The following KDSR variants were observed in gnomAD, a reference collection of about 807,000 sequenced individuals.
KDSR encodes the protein 3-dehydrosphinganine reductase.
A neutral mutation model predicts 41.3 loss-of-function variants in KDSR; 23 were observed. The ratio of observed to expected loss-of-function variants is 0.56; its 90% CI spans 0.40 to 0.79. KDSR has a LOEUF of 0.79. KDSR is among the 30% of genes least tolerant of loss of function. KDSR has a pLI of 0.00. For synonymous variants in KDSR, 138 were observed against 151.7 expected (o/e 0.91, Z 0.66); for missense variants, 351 against 416.8 (o/e 0.84, Z 1.37).
chr18:63,332,831 CAAAAAAAAA>C (rs1159424416), intron 9 of KDSR, among the ~76,000 whole-genome samples: 1 of 75,044 alleles, frequency 1.3e-5, no homozygotes. Flanking sequence ...GACTCCGTCT[CAAAAAAAAA>C]AAAAAAAAAA....
chr18:63,351,165 C>T, intron 5 of KDSR, 86 bp from the exon 6 acceptor site: 1 of 1,125,310 alleles, frequency 8.9e-7, no homozygotes, highest in Non-Finnish European at 1.3e-6. Context: ...GATTTCAGTT[C>T]TTCAATGCAA....
chr18:63,343,804 T>A (rs1233485889), intron 7 of KDSR, among the ~76,000 whole-genome samples: 5 of 146,246 alleles, frequency 3.4e-5, no homozygotes, highest in South Asian at 4.4e-4. Flanking sequence ...CTCTAGGGAG[T>A]AGGAATTGGG....
intron 5 of KDSR, among the ~76,000 whole-genome samples, chr18:63,351,494 G>A (rs1203827082): frequency 6.6e-6 from 1 of 152,136 alleles, no homozygotes; most frequent in East Asian, 1.9e-4. Context: ...AGAGTAGGAG[G>A]GTGATTTAAA....
Position 63,362,864 on chromosome 18 carries a change from G to A in KDSR, c.113C>T (p.Thr38Ile), listed in dbSNP as rs1458993937. 1 of 1,609,500 alleles carries A rather than the reference G, an allele frequency of 6.2e-7. No individual in the cohort carries two copies. Among genetic ancestry groups the A allele is most frequent in the Non-Finnish European group, 8.5e-7 (1 of 1,176,326 alleles). The change falls in exon 2 of 10, where the codon ACA becomes ATA. Residue 38 changes from threonine (T) to isoleucine (I), a missense_variant. By Grantham distance (89) the Thr-to-Ile change is moderately conservative. Coordinates refer to ENST00000645214, the MANE Select transcript of KDSR (RefSeq NM_002035.4). ...CTTCCCGATGCCACTGGAACCTCCTGTAACCTAAAACAAAATCATAAAATA... is the reference window on the plus strand; with the variant it reads ...CTTCCCGATGCCACTGGAACCTCCTATAACCTAAAACAAAATCATAAAATA... ...LALPGAHVVV[T>I]GGSSGIGKCI... is the part of the protein sequence containing the mutation.
At position 63,331,771 on chromosome 18, in the gene KDSR, G is replaced by A. The variant is rs779852330; in HGVS notation, c.*11C>T. 6.2e-7 allele frequency: 1 copy of A among 1,611,900 alleles called. No homozygotes were observed. Among genetic ancestry groups the A allele is most frequent in the Non-Finnish European group, 8.5e-7 (1 of 1,179,070 alleles). Reference sequence around the variant, plus strand: ...TATTTGGAAACAGTCTTCTTCCAAGGGGTAAGAAGATTAGGCAGTTTTGTC... The same window carrying A: ...TATTTGGAAACAGTCTTCTTCCAAGAGGTAAGAAGATTAGGCAGTTTTGTC... On this transcript the variant is annotated 3_prime_UTR_variant, in exon 10 of 10. Transcript: ENST00000645214.
intron 3 of KDSR, among the ~76,000 whole-genome samples, chr18:63,359,178 C>CAAAAAAAAAAAAAAAAAAAAAAAAAAAAA (rs74169959): frequency 2.7e-5 from 1 of 37,108 alleles, no homozygotes; most frequent in Non-Finnish European, 5.4e-5. Flanking sequence ...GACACTGCCT[C>CAAAAAAAAAAAAAAAAAAAAAAAAAAAAA]AAAAAAAAAA....
chr18:63,351,167 T>C, intron 5 of KDSR, 88 bp from the exon 6 acceptor site: 1 of 1,093,960 alleles, frequency 9.1e-7, no homozygotes, highest in African/African-American at 1.6e-5. Context: ...TTTCAGTTCT[T>C]CAATGCAAGC....
intron 5 of KDSR, among the ~76,000 whole-genome samples, chr18:63,354,785 G>GTA (rs1914752487): frequency 6.6e-6 from 1 of 152,188 alleles, no homozygotes; most frequent in Non-Finnish European, 1.5e-5. Context: ...ATAAGATGCA[G>GTA]TATCTTTTTA....
intron 1 of KDSR, among the ~76,000 whole-genome samples, chr18:63,365,521 TA>T (rs1915109769): frequency 6.6e-6 from 1 of 152,214 alleles, no homozygotes; most frequent in Non-Finnish European, 1.5e-5. Flanking sequence ...AGCGGGATGG[TA>T]AAAATAAATT....
intron 1 of KDSR, among the ~76,000 whole-genome samples, chr18:63,365,666 G>A (rs1187342650): frequency 1.3e-5 from 2 of 152,186 alleles, no homozygotes; most frequent in Non-Finnish European, 2.9e-5. Flanking sequence ...TTCATTCTGC[G>A]TTTAGCTTTA....
At position 63,361,280 on chromosome 18, in the gene KDSR, C is replaced by G. The variant is rs538999679; in HGVS notation, c.199-1488G>C. On this transcript the variant is annotated intron_variant, in intron 2 of 9. Coordinates refer to ENST00000645214, the MANE Select transcript of KDSR (RefSeq NM_002035.4). The stretch of plus-strand genomic sequence containing the variant: ...CCACAGGTTCTTCATTCAGTTCATT[C>G]ATTTCTAGCAATGCAAGGGCCCCAT... 7.2e-5 allele frequency among the ~76,000 whole-genome samples: 10 copies of G among 138,590 alleles called. No homozygotes were observed. In the South Asian group the frequency reaches 2.5e-3, roughly 35 times the overall value. 90.9% of individuals were successfully genotyped at this position (138,590 alleles called of 152,430 possible).
At chr18:63,335,189 G>C in intron 9 of KDSR, 68 bp downstream of exon 9, 1 of 981,726 alleles carries the variant, frequency 1.0e-6, no homozygotes, top group Non-Finnish European at 1.6e-6. Flanking sequence ...TTCTCATCAA[G>C]GTTTGATGAA....
Position 63,327,982 on chromosome 18 carries a change from C to T in KDSR, c.*3800G>A, listed in dbSNP as rs954223272. On this transcript the variant is annotated 3_prime_UTR_variant, in exon 10 of 10. Transcript: ENST00000645214. ...ACAGTTACTGCACTGAAGTATAATC[C>T]GAAGAGCAAGATTTAGTCCAGAATA... 6.4e-5 allele frequency: 13 copies of T among 201,588 alleles called. No homozygotes were observed. The highest frequency in any genetic ancestry group is 2.5e-4 in the African/African-American group (11 of 43,446). The allele number at this position is 201,588 out of a possible 1,614,324, so 12.5% of individuals were successfully genotyped here. A position where few individuals can be genotyped will look rare whatever the true frequency, so the allele number is the denominator to read the frequency against.
intron 7 of KDSR, among the ~76,000 whole-genome samples, chr18:63,343,270 G>A (rs192815549): frequency 2.6e-5 from 4 of 151,982 alleles, no homozygotes; most frequent in Admixed American, 6.5e-5. Flanking sequence ...ATGTTGCCTA[G>A]GCTGGTCTCG....
Position 63,367,055 on chromosome 18 carries a change from G to T in KDSR, c.64C>A (p.Leu22Ile). The change falls in exon 1 of 10, where the codon CTC (leucine) becomes ATC (isoleucine). Residue 22 changes from leucine to isoleucine, a missense_variant. Physicochemically the swap from Leu to Ile is conservative, Grantham distance 5. Coordinates refer to ENST00000645214, the MANE Select transcript of KDSR (RefSeq NM_002035.4). ...AGGGCGAGGGGCTTGGGGCTGATGA[G>T]CGGAGACACCATGTACAGCAGCAGC... ...FVLLLYMVSPLISPKPLALPG... is the reference protein window; with the variant it reads ...FVLLLYMVSPIISPKPLALPG... 7.5e-7 allele frequency: 1 copy of T among 1,330,386 alleles called. No individual in the cohort carries two copies. Among genetic ancestry groups the T allele is most frequent in the Non-Finnish European group, 9.7e-7 (1 of 1,033,408 alleles). 82.4% of individuals were successfully genotyped at this position (1,330,386 alleles called of 1,614,324 possible).
intron 1 of KDSR, among the ~76,000 whole-genome samples, chr18:63,364,739 C>G (rs371723714): frequency 6.6e-6 from 1 of 152,158 alleles, no homozygotes; most frequent in Admixed American, 6.6e-5. Flanking sequence ...CCACTGTACC[C>G]GGCCATATCG....
chr18:63,337,053 AC>A (rs1419090636), intron 8 of KDSR, among the ~76,000 whole-genome samples: 1 of 144,846 alleles, frequency 6.9e-6, no homozygotes, highest in East Asian at 2.0e-4. Flanking sequence ...AAAAAAAGTC[AC>A]TTTATATATA....
rs141460948 is a variant in KDSR, at chr18:63,340,486, T to C, written c.694-1603A>G. ...TATTCGTATAAAAGAGAAAAAAATA[T>C]ATAAAACTAAAATTGGCCACAGTTC... On this transcript the variant is annotated intron_variant, in intron 7 of 9. Transcript: ENST00000645214. Among the ~76,000 whole-genome samples the C allele has an allele frequency of 9.7e-4, 147 of 152,322 alleles. 2 individuals are homozygous for C. The highest frequency in any genetic ancestry group is 3.5e-3 in the African/African-American group (145 of 41,568).
chr18:63,351,212 T>C, intron 5 of KDSR, 133 bp from the exon 6 acceptor site: 1 of 632,328 alleles, frequency 1.6e-6, no homozygotes, highest in Non-Finnish European at 2.7e-6. Context: ...GCTTGCTGAA[T>C]GAATGAATGA....
Sources: gnomAD v4.1 joint callset for allele counts (sites outside exome capture counted in the v4.1 genomes callset) on GRCh38, gnomAD v4.1.1 for gene constraint, MANE v1.5 for transcripts, NCBI Gene and HGNC (gene_info 2026-07-23, HGNC 2026-07-21) for gene names.